TAFA5: variants seen among roughly 807,000 people sequenced by gnomAD.
The protein encoded by TAFA5 is TAFA chemokine like family member 5, also known as chemokine-like protein TAFA-5.
Under a neutral mutation model 15.3 loss-of-function variants are expected in TAFA5, and 6 were observed. That is an observed-to-expected ratio of 0.39 (90% CI 0.21 to 0.77). The LOEUF (loss-of-function observed/expected upper bound fraction) is 0.77, where lower values mean the gene tolerates loss of function less well. TAFA5 is among the 30% of genes least tolerant of loss of function. The pLI is 0.41. For synonymous variants in TAFA5, 103 were observed against 80.7 expected (o/e 1.28, Z -1.48); for missense variants, 161 against 193.1 (o/e 0.83, Z 0.98).
At chr22:48,621,207 G>T (rs546077228) in intron 1 of TAFA5, among the ~76,000 whole-genome samples, 41 of 72,516 alleles carry the variant, frequency 5.7e-4, no homozygotes, top group Admixed American at 1.6e-3. Context: ...TATCCACCCA[G>T]CCATCCACCC....
intron 1 of TAFA5, among the ~76,000 whole-genome samples, chr22:48,609,334 G>A (rs907077178): frequency 1.3e-5 from 2 of 152,210 alleles, no homozygotes; most frequent in Admixed American, 6.5e-5. Flanking sequence ...CTTCGTGGAC[G>A]CTCGGCCAGG....
intron 1 of TAFA5, among the ~76,000 whole-genome samples, chr22:48,618,932 T>C (rs2147179961): frequency 6.6e-6 from 1 of 152,332 alleles, no homozygotes; most frequent in South Asian, 2.1e-4. Flanking sequence ...GGTGGAGTCC[T>C]GGGTTCTAGA....
intron 3 of TAFA5, among the ~76,000 whole-genome samples, chr22:48,716,792 G>A (rs1168659287): frequency 6.6e-6 from 1 of 152,090 alleles, no homozygotes; most frequent in Non-Finnish European, 1.5e-5. Context: ...ATGCCTATAG[G>A]TACTGTATGC....
intron 1 of TAFA5, among the ~76,000 whole-genome samples, chr22:48,540,032 G>T (rs929044474): frequency 1.3e-5 from 2 of 152,114 alleles, no homozygotes; most frequent in Non-Finnish European, 2.9e-5. Flanking sequence ...GGAACTGGGG[G>T]CCTGGGAAGG....
At chr22:48,544,539 A>G (rs146214681) in intron 1 of TAFA5, 24 of 381,234 alleles carry the variant, frequency 6.3e-5, no homozygotes, top group African/African-American at 4.8e-4. Flanking sequence ...CTGCAGCACC[A>G]GGAGGGTGCA....
Position 48,606,199 on chromosome 22 carries a change from C to T in TAFA5, c.113-40398C>T, listed in dbSNP as rs565062111. ...AGTCCCTGTACCAAACCCTGGGACC[C>T]CAAAATCCCACCTCCAGGAATTTGT... On this transcript the variant is annotated intron_variant, in intron 1 of 3. Transcript: ENST00000402357. 2.0e-5 allele frequency among the ~76,000 whole-genome samples: 3 copies of T among 152,250 alleles called. 1 individual carries two copies. Among genetic ancestry groups the T allele is most frequent in the East Asian group, 3.9e-4 (2 of 5,166 alleles).
intron 1 of TAFA5, among the ~76,000 whole-genome samples, chr22:48,503,979 C>A (rs1311246008): frequency 6.6e-6 from 1 of 152,204 alleles, no homozygotes; most frequent in Non-Finnish European, 1.5e-5. Flanking sequence ...CAGGTGGGCT[C>A]CATAAGCCAG....
intron 2 of TAFA5, among the ~76,000 whole-genome samples, chr22:48,687,042 G>A (rs1054388749): frequency 6.6e-6 from 1 of 151,428 alleles, no homozygotes; most frequent in African/African-American, 2.4e-5. Flanking sequence ...ATTGATGGAG[G>A]ATGGATAGAT....
chr22:48,542,991 G>A (rs995671562), intron 1 of TAFA5, among the ~76,000 whole-genome samples: 5 of 151,812 alleles, frequency 3.3e-5, no homozygotes, highest in Non-Finnish European at 5.9e-5. Context: ...GATGTGTATG[G>A]TGTGTAGTGT....
intron 1 of TAFA5, among the ~76,000 whole-genome samples, chr22:48,584,976 C>A (rs1273328666): frequency 6.8e-6 from 1 of 146,836 alleles, no homozygotes; most frequent in Non-Finnish European, 1.5e-5. Context: ...GAAAATACAT[C>A]ACACACATTC....
In TAFA5 at chr22:48,587,250, G is replaced by A. The variant is rs936394066; in HGVS notation, c.113-59347G>A. 2.0e-5 allele frequency among the ~76,000 whole-genome samples: 3 copies of A among 152,190 alleles called. No homozygotes were observed. The East Asian group carries it at 5.8e-4, about 29-fold the overall frequency. On this transcript the variant is annotated intron_variant, in intron 1 of 3. Coordinates refer to ENST00000402357, the MANE Select transcript of TAFA5 (RefSeq NM_001082967.3). Reference sequence around the variant, plus strand: ...CGGGGCTCTGGGATGCTGTGGGCACGAGTTCTGGAGGGGTCTGCACACCTA... The same window carrying A: ...CGGGGCTCTGGGATGCTGTGGGCACAAGTTCTGGAGGGGTCTGCACACCTA...
chr22:48,631,890 C>T (rs531521385), intron 1 of TAFA5, among the ~76,000 whole-genome samples: 5 of 152,300 alleles, frequency 3.3e-5, no homozygotes, highest in South Asian at 2.1e-4. Flanking sequence ...TGGCTGTGAA[C>T]GGGCGATGGG....
chr22:48,510,483 A>G (rs6007873), intron 1 of TAFA5, among the ~76,000 whole-genome samples: 74,895 of 152,172 alleles, frequency 0.49, 19,275 homozygotes, highest in Middle Eastern at 0.59. Flanking sequence ...CAGACTGGCT[A>G]TTAGTGATTA....
In TAFA5 at chr22:48,735,941, C is replaced by T. The variant is rs866155842; in HGVS notation, c.391-13898C>T. 6.5e-4 allele frequency among the ~76,000 whole-genome samples: 90 copies of T among 139,018 alleles called. 1 individual carries two copies. The highest frequency in any genetic ancestry group is 2.3e-3 in the African/African-American group (75 of 32,996). 91.2% of individuals were successfully genotyped at this position (139,018 alleles called of 152,430 possible). Reference sequence around the variant, plus strand: ...CCCCCCAGGAGGAATGAGAATCGCACTCCTAGAGTCCAGAGTCCATCCCCC... The same window carrying T: ...CCCCCCAGGAGGAATGAGAATCGCATTCCTAGAGTCCAGAGTCCATCCCCC... On this transcript the variant is annotated intron_variant, in intron 3 of 3. Coordinates refer to ENST00000402357, the MANE Select transcript of TAFA5 (RefSeq NM_001082967.3).
Position 48,698,984 on chromosome 22 carries a change from C to T in TAFA5, c.263-8733C>T, listed in dbSNP as rs372483753. 2.7e-4 allele frequency among the ~76,000 whole-genome samples: 40 copies of T among 148,080 alleles called. 1 individual carries two copies. In the East Asian group the frequency reaches 6.5e-3, roughly 24 times the overall value. ...CGCGACCAAGGCTCACTCTGTCCCC[C>T]AGGCTGGAGTGCAGTGGCATGATCT... On this transcript the variant is annotated intron_variant, in intron 2 of 3. Transcript: ENST00000402357.
At position 48,532,707 on chromosome 22, in the gene TAFA5, G is replaced by A. The variant is rs544547973; in HGVS notation, c.112+43003G>A. 5.3e-5 allele frequency among the ~76,000 whole-genome samples: 8 copies of A among 152,336 alleles called. No homozygotes were observed. In the South Asian group the frequency reaches 1.7e-3, roughly 32 times the overall value. On this transcript the variant is annotated intron_variant, in intron 1 of 3. Coordinates refer to ENST00000402357, the MANE Select transcript of TAFA5 (RefSeq NM_001082967.3). ...ACGTGGCTTCCAGGTCACCATGAAA[G>A]GGGAAGAAGAGGAGGATGGCACAGG... is the stretch of plus-strand genomic sequence containing the variant.
chr22:48,587,860 G>C (rs1272432934), intron 1 of TAFA5, among the ~76,000 whole-genome samples: 1 of 152,254 alleles, frequency 6.6e-6, no homozygotes, highest in East Asian at 1.9e-4. Context: ...CTCACGCAGA[G>C]GCGGCCTTCT....
intron 1 of TAFA5, chr22:48,576,547 A>T (rs1207556547): frequency 6.6e-7 from 1 of 1,514,142 alleles, no homozygotes; most frequent in Admixed American, 1.9e-5. Context: ...CGTCCTAGTG[A>T]TCCACGCGCA....
intron 1 of TAFA5, among the ~76,000 whole-genome samples, chr22:48,593,041 T>G (rs1354238343): frequency 4.6e-5 from 7 of 151,908 alleles, no homozygotes; most frequent in Non-Finnish European, 1.0e-4. Context: ...GAGGGAGGCG[T>G]CCCTGCAGCC....
Sources: gnomAD v4.1 joint callset for allele counts (sites outside exome capture counted in the v4.1 genomes callset) on GRCh38, gnomAD v4.1.1 for gene constraint, MANE v1.5 for transcripts, NCBI Gene and HGNC (gene_info 2026-07-23, HGNC 2026-07-21) for gene names.